MYO5B: variants seen among roughly 807,000 people sequenced by gnomAD.
MYO5B encodes unconventional myosin-Vb.
MYO5B carries 143 observed loss-of-function variants against 229.3 expected under a neutral mutation model. The observed-to-expected ratio is 0.62, with a 90% CI of 0.54 to 0.72. MYO5B has a LOEUF of 0.72. Ranked by LOEUF, MYO5B falls within the 30% of genes least tolerant of loss-of-function variation. MYO5B has a pLI of 0.00. For missense variants in MYO5B, 2,321 were observed against 2,331.0 expected (o/e 1.00, Z 0.09); for synonymous variants, 918 against 885.2 (o/e 1.04, Z -0.66).
Position 50,041,153 on chromosome 18 carries a change from G to A in MYO5B, c.139-839C>T, listed in dbSNP as rs557529738. 2.0e-4 allele frequency among the ~76,000 whole-genome samples: 31 copies of A among 152,254 alleles called. No homozygotes were observed. In the South Asian group the frequency reaches 3.9e-3, roughly 19 times the overall value. On this transcript the variant is annotated intron_variant, in intron 2 of 39. Transcript: ENST00000285039. Reference sequence around the variant, plus strand: ...GGTGTTCTTAAAAATCTTCTGAGACGCTTATAAAGTTTCCTGAGCCCAACC... The same window carrying A: ...GGTGTTCTTAAAAATCTTCTGAGACACTTATAAAGTTTCCTGAGCCCAACC...
At chr18:49,894,547 T>TG (rs1193552107) in intron 22 of MYO5B, among the ~76,000 whole-genome samples, 18 of 152,160 alleles carry the variant, frequency 1.2e-4, no homozygotes, top group Non-Finnish European at 1.3e-4. Context: ...TGCTGCATCA[T>TG]GGGCAAGGGT....
intron 12 of MYO5B, among the ~76,000 whole-genome samples, chr18:49,955,052 T>C (rs940684181): frequency 1.3e-5 from 2 of 152,194 alleles, no homozygotes; most frequent in African/African-American, 4.8e-5. Context: ...AACTGTAAGT[T>C]TGTTGTGATC....
intron 2 of MYO5B, among the ~76,000 whole-genome samples, chr18:50,048,925 G>C (rs983653036): frequency 6.6e-6 from 1 of 151,880 alleles, no homozygotes; most frequent in African/African-American, 2.4e-5. Context: ...AGGAGGCTGA[G>C]GCACAAGAAT....
chr18:49,938,145 C>A (rs1456020078), intron 14 of MYO5B, among the ~76,000 whole-genome samples: 3 of 152,166 alleles, frequency 2.0e-5, no homozygotes, highest in African/African-American at 7.2e-5. Context: ...AGTTTAAGTT[C>A]TATTTTTCTA....
intron 2 of MYO5B, among the ~76,000 whole-genome samples, chr18:50,042,871 A>T (rs1324321752): frequency 6.6e-6 from 1 of 152,000 alleles, no homozygotes; most frequent in Non-Finnish European, 1.5e-5. Flanking sequence ...GGACCTGAGT[A>T]CTCCTCTTTC....
chr18:49,830,642 G>C (rs896336946), intron 39 of MYO5B, among the ~76,000 whole-genome samples: 1 of 152,102 alleles, frequency 6.6e-6, no homozygotes, highest in Non-Finnish European at 1.5e-5. Flanking sequence ...GAGGTTGGGA[G>C]TTTGAGACCA....
intron 1 of MYO5B, among the ~76,000 whole-genome samples, chr18:50,078,136 T>TA (rs1568097855): frequency 1.3e-5 from 2 of 152,184 alleles, no homozygotes; most frequent in African/African-American, 4.8e-5. Flanking sequence ...ATAAAGCCTA[T>TA]AGCAGAGTTC....
At chr18:50,128,861 C>T (rs559809724) in intron 1 of MYO5B, among the ~76,000 whole-genome samples, 2 of 152,316 alleles carry the variant, frequency 1.3e-5, no homozygotes, top group East Asian at 1.9e-4. Flanking sequence ...GGGAAACCAC[C>T]TTCCACCAGA....
At chr18:50,045,695 G>C (rs965092449) in intron 2 of MYO5B, among the ~76,000 whole-genome samples, 2 of 152,182 alleles carry the variant, frequency 1.3e-5, no homozygotes, top group Non-Finnish European at 2.9e-5. Flanking sequence ...TGGCCTCCAA[G>C]AGTTAATATA....
chr18:50,127,911 G>A (rs1038006454), intron 1 of MYO5B, among the ~76,000 whole-genome samples: 5 of 152,214 alleles, frequency 3.3e-5, no homozygotes, highest in Non-Finnish European at 5.9e-5. Context: ...GCCTGTTTGA[G>A]CTGGGACACT....
At chr18:49,929,041 C>G (rs2025160009) in intron 17 of MYO5B, among the ~76,000 whole-genome samples, 3 of 151,930 alleles carry the variant, frequency 2.0e-5, no homozygotes, top group Non-Finnish European at 2.9e-5. Context: ...ATGGGTGCAC[C>G]GAAATCTCAG....
chr18:49,946,720 A>G (rs2025377377), intron 14 of MYO5B, among the ~76,000 whole-genome samples: 1 of 152,240 alleles, frequency 6.6e-6, no homozygotes, highest in South Asian at 2.1e-4. Flanking sequence ...TGTTATTTGA[A>G]AAGCTAGGTT....
At chr18:49,843,530 GGA>G in intron 33 of MYO5B, 138 bp from the exon 34 acceptor site, 1 of 1,119,744 alleles carries the variant, frequency 8.9e-7, no homozygotes, top group South Asian at 1.4e-5. Flanking sequence ...AAGAGGATTG[GGA>G]GAGAAGCCAC....
intron 4 of MYO5B, among the ~76,000 whole-genome samples, chr18:50,012,952 C>T (rs1352681549): frequency 2.0e-5 from 3 of 152,226 alleles, no homozygotes; most frequent in African/African-American, 7.2e-5. Context: ...TAATCAACCT[C>T]ACGGCTTAGC....
At chr18:49,853,710 C>G (rs2024229205) in intron 30 of MYO5B, 63 bp from the exon 31 acceptor site, 2 of 1,481,960 alleles carry the variant, frequency 1.3e-6, no homozygotes, top group South Asian at 2.3e-5. Flanking sequence ...TGAGGGGACA[C>G]AGGCAGAAAC....
chr18:50,075,763 T>A (rs1276319608), intron 1 of MYO5B, among the ~76,000 whole-genome samples: 1 of 152,232 alleles, frequency 6.6e-6, no homozygotes, highest in East Asian at 1.9e-4. Context: ...TCAGTTTGGA[T>A]CCAGGAGAGA....
chr18:50,134,430 C>G (rs753944161), intron 1 of MYO5B, among the ~76,000 whole-genome samples: 30 of 151,924 alleles, frequency 2.0e-4, no homozygotes, highest in Non-Finnish European at 3.1e-4. Flanking sequence ...TGGCAGGTAC[C>G]TGTAATCCCA....
intron 1 of MYO5B, among the ~76,000 whole-genome samples, chr18:50,167,939 G>A (rs1035441102): frequency 6.6e-6 from 1 of 152,086 alleles, no homozygotes; most frequent in Non-Finnish European, 1.5e-5. Flanking sequence ...GCTGCCCTGG[G>A]GGCTGACAGT....
chr18:49,878,910 C>A lies in MYO5B; in HGVS notation c.3276+35G>T, dbSNP rs375856926. 198 of 1,611,754 alleles carry A rather than the reference C, an allele frequency of 1.2e-4. No homozygotes were observed. The African/African-American group carries it at 2.3e-3, about 19-fold the overall frequency. On this transcript the variant is annotated intron_variant, in intron 24 of 39. Coordinates refer to ENST00000285039, the MANE Select transcript of MYO5B (RefSeq NM_001080467.3). Reference sequence around the variant, plus strand: ...TCAGAAGCTGGACAGGAGCCAGGGACCTGTGCCATGGCACAGCAGAAGCAC... The same window carrying A: ...TCAGAAGCTGGACAGGAGCCAGGGAACTGTGCCATGGCACAGCAGAAGCAC...
Sources: gnomAD v4.1 joint callset for allele counts (sites outside exome capture counted in the v4.1 genomes callset) on GRCh38, gnomAD v4.1.1 for gene constraint, MANE v1.5 for transcripts, NCBI Gene and HGNC (gene_info 2026-07-23, HGNC 2026-07-21) for gene names.